The following COP1 variants were observed in gnomAD, a reference collection of about 807,000 sequenced individuals.
The protein encoded by COP1 is COP1 E3 ubiquitin ligase, also known as E3 ubiquitin-protein ligase COP1.
Under a neutral mutation model 101.3 loss-of-function variants are expected in COP1, and 24 were observed. The ratio of observed to expected loss-of-function variants is 0.24; its 90% CI spans 0.17 to 0.33. COP1 has a LOEUF of 0.33. COP1 is among the 10% of genes least tolerant of loss of function. The probability of loss-of-function intolerance (pLI) is 1.00; values close to 1 mark genes in which losing one functional copy is unlikely to be tolerated. For missense variants in COP1, 663 were observed against 906.2 expected, an observed-to-expected ratio of 0.73 and a Z score of 3.45; for synonymous variants, 347 against 341.9, an observed-to-expected ratio of 1.01 and a Z score of -0.17.
chr1:175,986,914 A>C, intron 18 of COP1, 29 bp downstream of exon 18: 1 of 1,522,392 alleles, frequency 6.6e-7, no homozygotes, highest in Admixed American at 2.2e-5. Context: ...ATGAGATCCC[A>C]AGGTGAAAAA....
At chr1:176,088,314 A>T (rs1053902287) in intron 9 of COP1, among the ~76,000 whole-genome samples, 2 of 152,198 alleles carry the variant, frequency 1.3e-5, no homozygotes, top group African/African-American at 4.8e-5. Context: ...AAAACACTGA[A>T]TGACAGTCAT....
At chr1:175,979,459 T>C (rs1034809445) in intron 18 of COP1, among the ~76,000 whole-genome samples, 4 of 150,036 alleles carry the variant, frequency 2.7e-5, no homozygotes, top group African/African-American at 9.8e-5. Flanking sequence ...AGGGATTCCT[T>C]AGATAAAACT....
chr1:175,950,434 A>T (rs1206503508), intron 18 of COP1, among the ~76,000 whole-genome samples: 2 of 152,136 alleles, frequency 1.3e-5, no homozygotes, highest in Non-Finnish European at 2.9e-5. Context: ...GAAAAATAAG[A>T]CCAGATATTT....
At chr1:175,957,599 C>G (rs909693488) in intron 18 of COP1, among the ~76,000 whole-genome samples, 3 of 152,124 alleles carry the variant, frequency 2.0e-5, no homozygotes, top group African/African-American at 7.2e-5. Flanking sequence ...GAATGTAATA[C>G]AACAACTATG....
At chr1:176,123,299 T>C (rs903895573) in intron 8 of COP1, among the ~76,000 whole-genome samples, 13 of 152,182 alleles carry the variant, frequency 8.5e-5, no homozygotes, top group Admixed American at 5.2e-4. Context: ...GTAGGAGAGA[T>C]GTCATGAACA....
rs1571203437 is a variant in COP1, at chr1:175,944,963, C to T, written c.*190G>A. ...AGTTACATTGATGGTGGAGAGTTGG[C>T]TGGGTATTCCCAATGTCCCAAAGGT... On this transcript the variant is annotated 3_prime_UTR_variant, in exon 20 of 20. Transcript: ENST00000367669. 15 of 568,378 alleles carry T rather than the reference C, an allele frequency of 2.6e-5. No homozygotes were observed. The East Asian group carries it at 5.0e-4, about 19-fold the overall frequency. The allele number at this position is 568,378 out of a possible 1,614,324, so 35.2% of individuals were successfully genotyped here.
At chr1:176,187,321 C>T (rs1040252996) in intron 1 of COP1, among the ~76,000 whole-genome samples, 3 of 152,062 alleles carry the variant, frequency 2.0e-5, no homozygotes, top group African/African-American at 7.2e-5. Flanking sequence ...CATATATACA[C>T]ACACATATAC....
chr1:175,978,126 C>G (rs1380824221), intron 18 of COP1, among the ~76,000 whole-genome samples: 1 of 151,978 alleles, frequency 6.6e-6, no homozygotes, highest in Non-Finnish European at 1.5e-5. Context: ...TTCTTTTCTT[C>G]CCTTAAAAAA....
At chr1:176,165,186 A>G (rs1009030105) in intron 3 of COP1, among the ~76,000 whole-genome samples, 2 of 152,186 alleles carry the variant, frequency 1.3e-5, no homozygotes, top group African/African-American at 4.8e-5. Context: ...GATAATCAGT[A>G]CTATCATTAA....
In COP1 at chr1:176,188,187, T is replaced by C. The variant is rs80075272; in HGVS notation, c.408-3495A>G. Among the ~76,000 whole-genome samples the C allele has an allele frequency of 7.9e-5, 12 of 152,174 alleles. No individual in the cohort carries two copies. The South Asian group carries it at 8.3e-4, about 11-fold the overall frequency. On this transcript the variant is annotated intron_variant, in intron 1 of 19. Coordinates refer to ENST00000367669, the MANE Select transcript of COP1 (RefSeq NM_022457.7). ...CTACCTATTTTATGGCATTTTGTTA[T>C]AGCAGCCTGCACAGACTACAATACT...
At chr1:176,177,175 C>G (rs2101940320) in intron 2 of COP1, among the ~76,000 whole-genome samples, 1 of 151,916 alleles carries the variant, frequency 6.6e-6, no homozygotes, top group Non-Finnish European at 1.5e-5. Context: ...AAATAAACTA[C>G]TCATAGTTAT....
intron 18 of COP1, among the ~76,000 whole-genome samples, chr1:175,971,688 T>C (rs558750679): frequency 6.6e-6 from 1 of 152,350 alleles, no homozygotes; most frequent in African/African-American, 2.4e-5. Context: ...CAATGTTTAA[T>C]GGAATTTGGC....
chr1:176,178,582 T>C (rs1437935026), intron 2 of COP1, among the ~76,000 whole-genome samples: 1 of 152,152 alleles, frequency 6.6e-6, no homozygotes, highest in Non-Finnish European at 1.5e-5. Flanking sequence ...CCGGGAGCAG[T>C]GGCTCACACC....
intron 11 of COP1, among the ~76,000 whole-genome samples, chr1:176,055,333 G>C (rs1673265334): frequency 6.6e-6 from 1 of 152,198 alleles, no homozygotes; most frequent in Non-Finnish European, 1.5e-5. Context: ...TACTCAGGAG[G>C]CTGAGGCAGG....
intron 18 of COP1, among the ~76,000 whole-genome samples, chr1:175,950,495 A>G (rs1267589269): frequency 6.6e-6 from 1 of 152,212 alleles, no homozygotes; most frequent in Non-Finnish European, 1.5e-5. Flanking sequence ...TATTAATGTA[A>G]GTTTTTAATG....
At chr1:175,945,799 A>G (rs959238096) in intron 19 of COP1, among the ~76,000 whole-genome samples, 3 of 152,236 alleles carry the variant, frequency 2.0e-5, no homozygotes, top group African/African-American at 7.2e-5. Context: ...TTAGATGGAC[A>G]CTACAACACT....
intron 15 of COP1, among the ~76,000 whole-genome samples, chr1:176,019,898 T>G (rs549183572): frequency 1.3e-5 from 2 of 152,292 alleles, no homozygotes; most frequent in Admixed American, 1.3e-4. Flanking sequence ...AGGAAACATT[T>G]ATTTCCAATA....
intron 5 of COP1, among the ~76,000 whole-genome samples, chr1:176,152,103 C>A (rs1035404412): frequency 3.6e-4 from 54 of 151,988 alleles, no homozygotes; most frequent in African/African-American, 1.3e-3. Context: ...CCAGCCTGGG[C>A]AACATGGCGA....
intron 9 of COP1, among the ~76,000 whole-genome samples, chr1:176,095,397 T>A (rs77776350): frequency 6.6e-6 from 1 of 152,198 alleles, no homozygotes; most frequent in East Asian, 1.9e-4. Flanking sequence ...AAGATGTTAT[T>A]TGCAGCCTGG....
Sources: gnomAD v4.1 joint callset for allele counts (sites outside exome capture counted in the v4.1 genomes callset) on GRCh38, gnomAD v4.1.1 for gene constraint, MANE v1.5 for transcripts, NCBI Gene and HGNC (gene_info 2026-07-23, HGNC 2026-07-21) for gene names.